The following NTM variants were observed in gnomAD, a reference collection of about 807,000 sequenced individuals.
NTM encodes the protein neurotrimin.
In NTM, 13 loss-of-function variants were observed where a neutral mutation model predicts 42.1. The observed-to-expected ratio is 0.31, with a 90% confidence interval of 0.20 to 0.49. NTM has a LOEUF of 0.49. Ranked by LOEUF, NTM falls within the 20% of genes least tolerant of loss-of-function variation. NTM has a pLI of 0.99. For synonymous variants in NTM, 187 were observed against 179.2 expected (o/e 1.04, Z -0.35); for missense variants, 373 against 452.8 (o/e 0.82, Z 1.60).
chr11:131,555,338 T>A (rs1257537592), intron 1 of NTM, among the ~76,000 whole-genome samples: 3 of 152,204 alleles, frequency 2.0e-5, no homozygotes, highest in African/African-American at 7.2e-5. Context: ...GAAGACAGGA[T>A]AACAGAGCAG....
intron 3 of NTM, among the ~76,000 whole-genome samples, chr11:132,206,108 C>T (rs2081954898): frequency 6.6e-6 from 1 of 152,198 alleles, no homozygotes; most frequent in Admixed American, 6.5e-5. Context: ...CAGTTTAATC[C>T]AGGCTTTGAA....
chr11:132,012,719 A>G (rs1430129137), intron 2 of NTM, among the ~76,000 whole-genome samples: 1 of 152,192 alleles, frequency 6.6e-6, no homozygotes, highest in Non-Finnish European at 1.5e-5. Context: ...AGAGAATCTA[A>G]AAAGGTTATT....
chr11:131,408,180 C>T (rs1946014491), intron 1 of NTM, among the ~76,000 whole-genome samples: 1 of 152,192 alleles, frequency 6.6e-6, no homozygotes. Context: ...GAAGTGATTG[C>T]TCTGGTCCAG....
chr11:131,729,510 AACCACT>A (rs2079372433), intron 1 of NTM, among the ~76,000 whole-genome samples: 1 of 152,218 alleles, frequency 6.6e-6, no homozygotes, highest in South Asian at 2.1e-4. Context: ...AAAGTCAAGC[AACCACT>A]ACCACTATCT....
intron 2 of NTM, among the ~76,000 whole-genome samples, chr11:132,102,463 G>A (rs1247092788): frequency 6.6e-6 from 1 of 152,178 alleles, no homozygotes; most frequent in Admixed American, 6.5e-5. Context: ...CACACAACGT[G>A]CTGTGCCATA....
chr11:132,272,160 C>T (rs552139722), intron 4 of NTM, among the ~76,000 whole-genome samples: 1 of 152,212 alleles, frequency 6.6e-6, no homozygotes, highest in South Asian at 2.1e-4. Context: ...TTTTGATACC[C>T]TTGCCAAAAA....
intron 1 of NTM, among the ~76,000 whole-genome samples, chr11:131,500,590 T>A (rs1427078578): frequency 1.6e-5 from 2 of 122,970 alleles, no homozygotes; most frequent in Non-Finnish European, 3.6e-5. Flanking sequence ...TTTTTTTTTT[T>A]TTTTTGTATT....
intron 1 of NTM, among the ~76,000 whole-genome samples, chr11:131,862,913 T>G (rs1046521077): frequency 3.3e-5 from 5 of 152,140 alleles, no homozygotes; most frequent in African/African-American, 9.7e-5. Context: ...CCTATAGGAT[T>G]TTAGGATTCC....
chr11:132,196,612 A>G (rs1360758924), intron 3 of NTM, among the ~76,000 whole-genome samples: 3 of 152,338 alleles, frequency 2.0e-5, no homozygotes, highest in Admixed American at 1.3e-4. Flanking sequence ...ACACATCCGT[A>G]AAACAAATCA....
intron 1 of NTM, among the ~76,000 whole-genome samples, chr11:131,570,767 G>A (rs963826929): frequency 1.3e-5 from 2 of 152,350 alleles, no homozygotes; most frequent in Admixed American, 6.5e-5. Flanking sequence ...GTGTTGCAGT[G>A]AGCCAAGATG....
intron 4 of NTM, among the ~76,000 whole-genome samples, chr11:132,255,591 G>A (rs184651639): frequency 2.0e-5 from 3 of 152,180 alleles, no homozygotes; most frequent in Non-Finnish European, 4.4e-5. Context: ...GTCAGAGAAG[G>A]GGGTGCGGAG....
intron 3 of NTM, among the ~76,000 whole-genome samples, chr11:132,154,142 G>A (rs1411006227): frequency 6.6e-6 from 1 of 152,196 alleles, no homozygotes; most frequent in Non-Finnish European, 1.5e-5. Context: ...GGCTAGAAAG[G>A]TAGGCTGCAT....
chr11:131,470,610 C>A (rs1277596041), intron 1 of NTM, among the ~76,000 whole-genome samples: 1 of 152,156 alleles, frequency 6.6e-6, no homozygotes, highest in Non-Finnish European at 1.5e-5. Flanking sequence ...CCAATGGGGA[C>A]CAGCACAAGT....
chr11:131,485,757 T>C (rs1954111348), intron 1 of NTM, among the ~76,000 whole-genome samples: 1 of 152,226 alleles, frequency 6.6e-6, no homozygotes, highest in Non-Finnish European at 1.5e-5. Flanking sequence ...TAATTTATGC[T>C]TGTCTGTATG....
intron 1 of NTM, among the ~76,000 whole-genome samples, chr11:131,399,816 C>A (rs1944934396): frequency 6.6e-6 from 1 of 152,168 alleles, no homozygotes; most frequent in Non-Finnish European, 1.5e-5. Flanking sequence ...ACTGAGATGG[C>A]TCTTCCTCCA....
At chr11:132,320,107 C>T (rs1448625479) in intron 7 of NTM, among the ~76,000 whole-genome samples, 4 of 152,210 alleles carry the variant, frequency 2.6e-5, no homozygotes, top group African/African-American at 9.6e-5. Flanking sequence ...ACACCAAAAA[C>T]CAATCAGTAC....
chr11:131,803,696 T>A (rs1411017363), intron 1 of NTM, among the ~76,000 whole-genome samples: 3 of 152,216 alleles, frequency 2.0e-5, no homozygotes, highest in African/African-American at 7.2e-5. Context: ...AGCCACCAGC[T>A]GCTCCTCTCT....
chr11:131,429,664 T>C (rs1651092544), intron 1 of NTM, among the ~76,000 whole-genome samples: 1 of 152,170 alleles, frequency 6.6e-6, no homozygotes, highest in South Asian at 2.1e-4. Flanking sequence ...TATATGCTAT[T>C]TGAACACATC....
chr11:131,386,384 T>C (rs950413271), intron 1 of NTM, among the ~76,000 whole-genome samples: 6 of 152,222 alleles, frequency 3.9e-5, no homozygotes, highest in African/African-American at 1.4e-4. Flanking sequence ...ATGGCAGTGA[T>C]AGTTACATAA....
Sources: allele counts gnomAD v4.1 joint callset (sites outside exome capture counted in the v4.1 genomes callset), GRCh38; gene constraint gnomAD v4.1.1; transcripts MANE v1.5; gene names NCBI Gene and HGNC (gene_info 2026-07-23, HGNC 2026-07-21).